The following ZDHHC14 variants were observed in gnomAD, a reference collection of about 807,000 sequenced individuals.
ZDHHC14 encodes the protein palmitoyltransferase ZDHHC14.
Under a neutral mutation model 47.7 loss-of-function variants are expected in ZDHHC14, and 16 were observed. The observed-to-expected ratio is 0.34, with a 90% CI of 0.23 to 0.51. The LOEUF is 0.51. Among genes scored for constraint, ZDHHC14 ranks in the 20% least tolerant of loss-of-function variants. The pLI is 0.97. For synonymous variants in ZDHHC14, 293 were observed against 278.9 expected, an observed-to-expected ratio of 1.05 and a Z score of -0.50; for missense variants, 515 against 662.5, an observed-to-expected ratio of 0.78 and a Z score of 2.44.
rs757299258 is a variant in ZDHHC14 at position 157,382,269 on chromosome 6, A to AAGT, written c.245+4_245+6dup. Reference sequence around the variant, plus strand: ...AGCGGACTCTTCTTCGCCTTCGAGTAAGTGGTGGCGACCGCTCCCCCGACG... The same window carrying AAGT: ...AGCGGACTCTTCTTCGCCTTCGAGTAAGTAGTGGTGGCGACCGCTCCCCCGACG... On this transcript the variant is annotated splice_donor_region_variant and intron_variant, in intron 1 of 8. Coordinates refer to ENST00000359775, the MANE Select transcript of ZDHHC14 (RefSeq NM_024630.3). 2.5e-6 allele frequency: 4 copies of AAGT among 1,609,870 alleles called. No homozygotes were observed. The South Asian group carries it at 4.4e-5, about 18-fold the overall frequency.
At chr6:157,383,725 C>T (rs550406142) in intron 1 of ZDHHC14, among the ~76,000 whole-genome samples, 48 of 152,278 alleles carry the variant, frequency 3.2e-4, no homozygotes, top group African/African-American at 1.1e-3. Context: ...GTGCAGTTCC[C>T]GGGTCCCCCT....
rs1359560666 is a variant in ZDHHC14, at chr6:157,677,949, A to T, written c.*4827A>T. On this transcript the variant is annotated 3_prime_UTR_variant, in exon 9 of 9. Coordinates refer to ENST00000359775, the MANE Select transcript of ZDHHC14 (RefSeq NM_024630.3). ...AAACGTTTTGGCATGGAAAAAAAAA[A>T]AAGCATTTTAAACTCTTAGTGAATT... is the stretch of plus-strand genomic sequence containing the variant. 8.0e-5 allele frequency: 7 copies of T among 88,020 alleles called. No homozygotes were observed. The highest frequency in any genetic ancestry group is 3.4e-4 in the African/African-American group (7 of 20,672). 5.5% of individuals were successfully genotyped at this position (88,020 alleles called of 1,614,324 possible).
chr6:157,654,395 G>T (rs1411851487), intron 8 of ZDHHC14, among the ~76,000 whole-genome samples: 10 of 152,160 alleles, frequency 6.6e-5, no homozygotes, highest in Non-Finnish European at 1.5e-4. Context: ...TCTCCCTAAA[G>T]TTAGAAGTTC....
chr6:157,521,643 G>T (rs1780919197), intron 1 of ZDHHC14, among the ~76,000 whole-genome samples: 1 of 152,230 alleles, frequency 6.6e-6, no homozygotes, highest in African/African-American at 2.4e-5. Context: ...ACCTCCTGAA[G>T]GTTCTGCTTC....
chr6:157,392,045 A>T (rs370913436), intron 1 of ZDHHC14, among the ~76,000 whole-genome samples: 19 of 152,312 alleles, frequency 1.2e-4, no homozygotes, highest in African/African-American at 4.6e-4. Context: ...GTAATGCGGA[A>T]TCTGCAAGAC....
intron 1 of ZDHHC14, among the ~76,000 whole-genome samples, chr6:157,455,885 C>T (rs892989883): frequency 2.6e-5 from 4 of 152,194 alleles, no homozygotes; most frequent in African/African-American, 9.6e-5. Flanking sequence ...CTGAGCGGCG[C>T]TCTGCCTGCA....
In ZDHHC14 at chr6:157,617,469, C is replaced by T. The variant is rs143416447; in HGVS notation, c.566-10880C>T. Among the ~76,000 whole-genome samples the T allele has an allele frequency of 3.9e-3, 591 of 152,154 alleles. 4 individuals are homozygous for T. Among genetic ancestry groups the T allele is most frequent in the African/African-American group, 0.014 (576 of 41,496 alleles). On this transcript the variant is annotated intron_variant, in intron 3 of 8. Coordinates refer to ENST00000359775, the MANE Select transcript of ZDHHC14 (RefSeq NM_024630.3). ...GGGAACTGGCATCAATCCATGAAGCCGTTGGGTCCTGCTCATAGACACAGC... is the reference window on the plus strand; with the variant it reads ...GGGAACTGGCATCAATCCATGAAGCTGTTGGGTCCTGCTCATAGACACAGC...
At chr6:157,560,819 C>T (rs1782679823) in intron 2 of ZDHHC14, among the ~76,000 whole-genome samples, 1 of 152,198 alleles carries the variant, frequency 6.6e-6, no homozygotes. Flanking sequence ...GATCCCACGG[C>T]CTTGCCTGAC....
chr6:157,624,006 T>C (rs1785301031), intron 3 of ZDHHC14, among the ~76,000 whole-genome samples: 1 of 152,188 alleles, frequency 6.6e-6, no homozygotes, highest in South Asian at 2.1e-4. Flanking sequence ...AACCCTACCC[T>C]GGCACACAGG....
At chr6:157,451,256 T>C (rs777353192) in intron 1 of ZDHHC14, among the ~76,000 whole-genome samples, 1 of 152,216 alleles carries the variant, frequency 6.6e-6, no homozygotes, top group Non-Finnish European at 1.5e-5. Context: ...AATAACAATT[T>C]TGAGGTATTT....
chr6:157,631,403 C>T (rs991181856), intron 4 of ZDHHC14: 28 of 152,198 alleles, frequency 1.8e-4, no homozygotes, highest in African/African-American at 6.0e-4. Flanking sequence ...TAAAACTTTC[C>T]CTTTTCCCTT....
chr6:157,646,903 G>T (rs1326825163), intron 6 of ZDHHC14, among the ~76,000 whole-genome samples: 1 of 152,184 alleles, frequency 6.6e-6, no homozygotes, highest in Non-Finnish European at 1.5e-5. Flanking sequence ...ATTTCAGTCT[G>T]TAAATTAGCA....
intron 1 of ZDHHC14, among the ~76,000 whole-genome samples, chr6:157,487,390 T>C (rs1779807037): frequency 6.6e-6 from 1 of 152,250 alleles, no homozygotes; most frequent in Admixed American, 6.5e-5. Flanking sequence ...CCTGGTCTTC[T>C]GTCTACTATT....
intron 1 of ZDHHC14, among the ~76,000 whole-genome samples, chr6:157,414,095 C>T (rs890487072): frequency 3.9e-5 from 6 of 152,104 alleles, no homozygotes; most frequent in African/African-American, 9.7e-5. Context: ...CCATGCCCAA[C>T]AAATTTTTGT....
At chr6:157,403,488 A>G (rs1777685257) in intron 1 of ZDHHC14, among the ~76,000 whole-genome samples, 1 of 152,164 alleles carries the variant, frequency 6.6e-6, no homozygotes, top group South Asian at 2.1e-4. Context: ...GTACCCTACC[A>G]TGGACCCACA....
At chr6:157,585,423 A>C (rs1481727822) in intron 2 of ZDHHC14, among the ~76,000 whole-genome samples, 1 of 151,926 alleles carries the variant, frequency 6.6e-6, no homozygotes, top group Non-Finnish European at 1.5e-5. Flanking sequence ...CAAAAAAAAA[A>C]AAAAAAACCC....
rs563481055 is a variant in ZDHHC14 at position 157,635,744 on chromosome 6, G to A, written c.752+2862G>A. ...GACCGGTGCTGCTGTTAGGAAGCAA[G>A]CGTGGCAGTAGCGTGCTGGCCGTGC... On this transcript the variant is annotated intron_variant, in intron 5 of 8. Coordinates refer to ENST00000359775, the MANE Select transcript of ZDHHC14 (RefSeq NM_024630.3). Among the ~76,000 whole-genome samples the A allele has an allele frequency of 5.9e-5, 9 of 152,332 alleles. No homozygotes were observed. The East Asian group carries it at 1.7e-3, about 29-fold the overall frequency.
chr6:157,526,414 C>A (rs1781152523), intron 1 of ZDHHC14, among the ~76,000 whole-genome samples: 1 of 152,192 alleles, frequency 6.6e-6, no homozygotes, highest in Non-Finnish European at 1.5e-5. Context: ...CTTCTGGTGG[C>A]CTCTGTCCCC....
chr6:157,672,994 C>T lies in ZDHHC14; in HGVS notation c.1339C>T (p.Pro447Ser). Reference sequence around the variant, plus strand: ...CCTGACGCCCGATGAGGCGCCCTCGCCCCCCAGGCTACTGGCGGCGGGCAG... The same window carrying T: ...CCTGACGCCCGATGAGGCGCCCTCGTCCCCCAGGCTACTGGCGGCGGGCAG... The part of the protein sequence containing the change: ...QFLTPDEAPS[P>S]PRLLAAGSPL... Residue 447 changes from proline (P) to serine (S), a missense_variant, in exon 9 of 9, where the codon CCC (proline) becomes TCC (serine). Physicochemically the swap from Pro to Ser is moderately conservative, Grantham distance 74. Coordinates refer to ENST00000359775, the MANE Select transcript of ZDHHC14 (RefSeq NM_024630.3). 6.3e-6 allele frequency: 10 copies of T among 1,587,130 alleles called. No homozygotes were observed. Among genetic ancestry groups the T allele is most frequent in the East Asian group, 2.3e-5 (1 of 43,488 alleles).
Sources: allele counts gnomAD v4.1 joint callset (sites outside exome capture counted in the v4.1 genomes callset), GRCh38; gene constraint gnomAD v4.1.1; transcripts MANE v1.5; gene names NCBI Gene and HGNC (gene_info 2026-07-23, HGNC 2026-07-21).